Variants in RPRD1A observed in about 807,000 individuals in gnomAD.
RPRD1A encodes the protein regulation of nuclear pre-mRNA domain-containing protein 1A.
Under a neutral mutation model 37.8 loss-of-function variants are expected in RPRD1A, and 9 were observed. The observed-to-expected ratio is 0.24, with a 90% CI of 0.14 to 0.42. The LOEUF (loss-of-function observed/expected upper bound fraction) is 0.42, where lower values mean the gene tolerates loss of function less well. Among genes scored for constraint, RPRD1A ranks in the 10% least tolerant of loss-of-function variants. The pLI is 1.00. For missense variants in RPRD1A, 255 were observed against 371.0 expected, an observed-to-expected ratio of 0.69 and a Z score of 2.57; for synonymous variants, 138 against 139.7, an observed-to-expected ratio of 0.99 and a Z score of 0.08.
chr18:36,008,589 A>ATATATATATATATATATCTCTC (rs71381561), intron 6 of RPRD1A, among the ~76,000 whole-genome samples: 8 of 90,826 alleles, frequency 8.8e-5, no homozygotes, highest in Admixed American at 1.3e-4. Context: ...ATATATATAT[A>ATATATATATATATATATCTCTC]TCTTTAAAAA....
At chr18:36,044,939 A>G (rs1912849008) in intron 1 of RPRD1A, among the ~76,000 whole-genome samples, 1 of 151,982 alleles carries the variant, frequency 6.6e-6, no homozygotes, top group African/African-American at 2.4e-5. Context: ...GTTCAAAATG[A>G]TAACTTTTAA....
At chr18:36,065,907 T>A (rs1349564311) in intron 1 of RPRD1A, among the ~76,000 whole-genome samples, 1 of 152,160 alleles carries the variant, frequency 6.6e-6, no homozygotes, top group Non-Finnish European at 1.5e-5. Context: ...TAATAGTTAT[T>A]AAGAGAGTCT....
intron 6 of RPRD1A, among the ~76,000 whole-genome samples, chr18:36,009,598 G>A (rs1910042788): frequency 6.6e-6 from 1 of 152,030 alleles, no homozygotes; most frequent in African/African-American, 2.4e-5. Context: ...CTCTTATTAG[G>A]GCAGAGATAT....
chr18:36,001,658 A>G (rs980701383), intron 6 of RPRD1A, among the ~76,000 whole-genome samples: 1 of 152,126 alleles, frequency 6.6e-6, no homozygotes, highest in African/African-American at 2.4e-5. Flanking sequence ...GATCCTCCAT[A>G]TCTGAGCAGA....
chr18:36,050,966 A>G (rs995436343), intron 1 of RPRD1A, among the ~76,000 whole-genome samples: 16 of 151,340 alleles, frequency 1.1e-4, no homozygotes, highest in African/African-American at 3.6e-4. Context: ...TGACTTTTGA[A>G]TAACACAGGT....
At chr18:36,027,345 T>C in intron 4 of RPRD1A, 35 bp from the exon 5 acceptor site, 1 of 1,611,110 alleles carries the variant, frequency 6.2e-7, no homozygotes, top group South Asian at 1.1e-5. Context: ...CAAAATAAAT[T>C]GAGCTTAAAC....
intron 6 of RPRD1A, among the ~76,000 whole-genome samples, chr18:35,994,500 T>C (rs1908904574): frequency 6.6e-6 from 1 of 152,222 alleles, no homozygotes; most frequent in African/African-American, 2.4e-5. Flanking sequence ...TGGTTGTGGT[T>C]CTGCTGTGAG....
rs540862452 is a variant in RPRD1A, at chr18:36,049,534, C to T, written c.152-15697G>A. Among the ~76,000 whole-genome samples, 148 of 152,264 alleles carry T rather than the reference C, an allele frequency of 9.7e-4. 3 individuals are homozygous for T. The South Asian group carries it at 0.029, about 30-fold the overall frequency. On this transcript the variant is annotated intron_variant, in intron 1 of 6. Transcript: ENST00000399022. The stretch of plus-strand genomic sequence containing the variant: ...GGTCAGACCTATCAATGTGACTACT[C>T]TAGGTGTCTCATATAAGTAGAATCA...
chr18:36,013,041 C>T (rs759840721), intron 6 of RPRD1A, among the ~76,000 whole-genome samples: 2 of 152,034 alleles, frequency 1.3e-5, no homozygotes, highest in Non-Finnish European at 2.9e-5. Context: ...AATTGGATGG[C>T]GGGGTTGGTG....
intron 6 of RPRD1A, among the ~76,000 whole-genome samples, chr18:36,016,799 T>G (rs1167716838): frequency 6.6e-6 from 1 of 152,156 alleles, no homozygotes; most frequent in Non-Finnish European, 1.5e-5. Context: ...CATAGAACAA[T>G]GTAATTTAGC....
Position 36,050,047 on chromosome 18 carries a change from G to T in RPRD1A, c.152-16210C>A, listed in dbSNP as rs537651374. Among the ~76,000 whole-genome samples, 10 of 152,076 alleles carry T rather than the reference G, an allele frequency of 6.6e-5. No individual in the cohort carries two copies. The East Asian group carries it at 1.9e-3, about 29-fold the overall frequency. Reference sequence around the variant, plus strand: ...TGGTCTCTGCTTGTGCTTTTGATGTGCATAGAGACAGAAAATAAAAGGGTT... The same window carrying T: ...TGGTCTCTGCTTGTGCTTTTGATGTTCATAGAGACAGAAAATAAAAGGGTT... On this transcript the variant is annotated intron_variant, in intron 1 of 6. Coordinates refer to ENST00000399022, the MANE Select transcript of RPRD1A (RefSeq NM_018170.5).
chr18:36,001,004 C>T (rs1444861336), intron 6 of RPRD1A, among the ~76,000 whole-genome samples: 2 of 152,194 alleles, frequency 1.3e-5, no homozygotes, highest in African/African-American at 4.8e-5. Flanking sequence ...TAAGGAAACA[C>T]TGACTTGTAT....
rs1005415209 is a variant in RPRD1A at position 36,043,892 on chromosome 18, C to T, written c.152-10055G>A. ...GTCCAACGCCCTGTGCAGTAAAAAA[C>T]CCATGTATAACTTCTGACTCCCAAA... On this transcript the variant is annotated intron_variant, in intron 1 of 6. Coordinates refer to ENST00000399022, the MANE Select transcript of RPRD1A (RefSeq NM_018170.5). 2.0e-5 allele frequency among the ~76,000 whole-genome samples: 3 copies of T among 152,166 alleles called. No homozygotes were observed. In the East Asian group the frequency reaches 5.8e-4, roughly 29 times the overall value.
intron 1 of RPRD1A, among the ~76,000 whole-genome samples, chr18:36,065,573 C>T (rs961801265): frequency 6.6e-6 from 1 of 152,140 alleles, no homozygotes; most frequent in East Asian, 1.9e-4. Flanking sequence ...GAGAACAATA[C>T]TTATTTCTAG....
At chr18:36,004,349 C>T (rs536651619) in intron 6 of RPRD1A, among the ~76,000 whole-genome samples, 12 of 151,810 alleles carry the variant, frequency 7.9e-5, no homozygotes, top group African/African-American at 2.9e-4. Context: ...CTGCCTCCTG[C>T]GCTCAAATGA....
chr18:36,005,848 GTT>G (rs532657503), intron 6 of RPRD1A, among the ~76,000 whole-genome samples: 1 of 151,860 alleles, frequency 6.6e-6, no homozygotes, highest in Non-Finnish European at 1.5e-5. Context: ...CTACACCTGT[GTT>G]TTTTTCTTTT....
At chr18:36,034,252 G>A (rs1278946812) in intron 1 of RPRD1A, among the ~76,000 whole-genome samples, 1 of 152,106 alleles carries the variant, frequency 6.6e-6, no homozygotes, top group Non-Finnish European at 1.5e-5. Flanking sequence ...TGTAAAACAG[G>A]TTGAAAGAGA....
At position 35,992,391 on chromosome 18, in the gene RPRD1A, T is replaced by C. The variant is rs1359467114; in HGVS notation, c.*760A>G. The C allele has an allele frequency of 1.3e-5, 2 of 152,176 alleles. No homozygotes were observed. The highest frequency in any genetic ancestry group is 2.9e-5 in the Non-Finnish European group (2 of 68,024). 9.4% of individuals were successfully genotyped at this position (152,176 alleles called of 1,614,324 possible). On this transcript the variant is annotated 3_prime_UTR_variant, in exon 7 of 7. Coordinates refer to ENST00000399022, the MANE Select transcript of RPRD1A (RefSeq NM_018170.5). ...ATAGAAACCAGTTCCAGAACCAAAG[T>C]TGTCCTCTTGGTAGAATGTCAAAAT...
chr18:36,009,551 G>A (rs532776056), intron 6 of RPRD1A, among the ~76,000 whole-genome samples: 69 of 152,298 alleles, frequency 4.5e-4, no homozygotes, highest in African/African-American at 1.6e-3. Flanking sequence ...CATCTTCTGT[G>A]AATACTGCCT....
Sources: gnomAD v4.1 joint callset for allele counts (sites outside exome capture counted in the v4.1 genomes callset) on GRCh38, gnomAD v4.1.1 for gene constraint, MANE v1.5 for transcripts, NCBI Gene and HGNC (gene_info 2026-07-23, HGNC 2026-07-21) for gene names.